The following IGF1R variants were observed in gnomAD, a reference collection of about 807,000 sequenced individuals.
The protein encoded by IGF1R is insulin like growth factor 1 receptor.
In IGF1R, 44 loss-of-function variants were observed where a neutral mutation model predicts 144.6. The ratio of observed to expected loss-of-function variants is 0.30; its 90% CI spans 0.24 to 0.39. The LOEUF is 0.39. Ranked by LOEUF, IGF1R falls within the 10% of genes least tolerant of loss-of-function variation. The pLI, the probability that IGF1R is intolerant of heterozygous loss-of-function variation, is 1.00. For missense variants in IGF1R, 1,355 were observed against 1,833.7 expected (o/e 0.74, Z 4.77); for synonymous variants, 795 against 722.8 (o/e 1.10, Z -1.60).
chr15:98,781,864 TAA>T, intron 2 of IGF1R, among the ~76,000 whole-genome samples: 1 of 152,206 alleles, frequency 6.6e-6, no homozygotes, highest in East Asian at 1.9e-4. Context: ...TTAAGAGTCT[TAA>T]GGTTCAAGAC....
intron 2 of IGF1R, among the ~76,000 whole-genome samples, chr15:98,859,600 G>GT (rs2012033092): frequency 6.6e-6 from 1 of 152,132 alleles, no homozygotes; most frequent in Admixed American, 6.5e-5. Flanking sequence ...CTGTATCTGG[G>GT]TTTTCTGATT....
chr15:98,790,444 C>T (rs1195544071), intron 2 of IGF1R, among the ~76,000 whole-genome samples: 1 of 152,164 alleles, frequency 6.6e-6, no homozygotes, highest in Non-Finnish European at 1.5e-5. Flanking sequence ...TCTGGGGAAG[C>T]TTATCTCAAA....
At chr15:98,870,775 A>G (rs570305088) in intron 2 of IGF1R, among the ~76,000 whole-genome samples, 1 of 152,316 alleles carries the variant, frequency 6.6e-6, no homozygotes, top group South Asian at 2.1e-4. Flanking sequence ...AACTTCCTTG[A>G]TACAGGGTCA....
At chr15:98,919,037 A>G (rs2015374577) in intron 10 of IGF1R, among the ~76,000 whole-genome samples, 1 of 152,190 alleles carries the variant, frequency 6.6e-6, no homozygotes, top group South Asian at 2.1e-4. Flanking sequence ...CTTATCCAGG[A>G]TATCTTTGTA....
intron 2 of IGF1R, among the ~76,000 whole-genome samples, chr15:98,822,759 A>G (rs2056825389): frequency 6.6e-6 from 1 of 152,260 alleles, no homozygotes; most frequent in Admixed American, 6.5e-5. Context: ...TATTTTCTGA[A>G]TCAGAAAGCA....
intron 7 of IGF1R, 40 bp downstream of exon 7, chr15:98,911,481 G>A: frequency 6.2e-7 from 1 of 1,613,534 alleles, no homozygotes. Context: ...TGTTGACAGG[G>A]CTACGAATGG....
intron 2 of IGF1R, among the ~76,000 whole-genome samples, chr15:98,722,557 A>G (rs2054270007): frequency 6.6e-6 from 1 of 152,192 alleles, no homozygotes; most frequent in Non-Finnish European, 1.5e-5. Flanking sequence ...ATGTGCCCTC[A>G]AGCCGGTTTG....
At chr15:98,894,383 G>A (rs914118728) in intron 3 of IGF1R, among the ~76,000 whole-genome samples, 1 of 152,196 alleles carries the variant, frequency 6.6e-6, no homozygotes, top group African/African-American at 2.4e-5. Flanking sequence ...GTCCATAGCA[G>A]CTTTATTTGT....
At chr15:98,924,753 C>T (rs2015639971) in intron 13 of IGF1R, 69 bp downstream of exon 13, 18 of 1,368,258 alleles carry the variant, frequency 1.3e-5, no homozygotes, top group East Asian at 2.3e-5. Context: ...CAGGACAGCC[C>T]GAGTGTTCAT....
At chr15:98,670,320 T>C (rs1048887017) in intron 1 of IGF1R, among the ~76,000 whole-genome samples, 2 of 152,002 alleles carry the variant, frequency 1.3e-5, no homozygotes, top group Admixed American at 6.6e-5. Flanking sequence ...ATCAGAAGGA[T>C]TATACTAGAC....
intron 2 of IGF1R, among the ~76,000 whole-genome samples, chr15:98,766,934 C>T (rs993685713): frequency 6.6e-6 from 1 of 152,194 alleles, no homozygotes; most frequent in Admixed American, 6.5e-5. Flanking sequence ...GCTCATCCAG[C>T]CAGCCACATT....
At chr15:98,733,281 C>T (rs934210025) in intron 2 of IGF1R, among the ~76,000 whole-genome samples, 1 of 152,050 alleles carries the variant, frequency 6.6e-6, no homozygotes, top group Non-Finnish European at 1.5e-5. Context: ...TAGAGGCAAT[C>T]ATGGCTTATT....
chr15:98,743,404 T>G (rs1428294163), intron 2 of IGF1R, among the ~76,000 whole-genome samples: 4 of 152,196 alleles, frequency 2.6e-5, no homozygotes, highest in Non-Finnish European at 4.4e-5. Flanking sequence ...AAATGCCCAC[T>G]AGGCACCCTG....
At chr15:98,705,725 C>A (rs1567085782) in intron 1 of IGF1R, among the ~76,000 whole-genome samples, 3 of 152,142 alleles carry the variant, frequency 2.0e-5, no homozygotes, top group African/African-American at 4.8e-5. Flanking sequence ...TTCTCTCCCT[C>A]GTCTGTTCAC....
rs375554267 is a variant in IGF1R, at chr15:98,960,297, T to TTTG, written c.*2858_*2860dup. 4.3e-6 allele frequency: 1 copy of TTTG among 231,318 alleles called. No homozygotes were observed. Among genetic ancestry groups the TTTG allele is most frequent in the African/African-American group, 2.2e-5 (1 of 44,928 alleles). The allele number at this position is 231,318 out of a possible 1,614,324, so 14.3% of individuals were successfully genotyped here. A position where few individuals can be genotyped will look rare whatever the true frequency, so the allele number is the denominator to read the frequency against. Reference sequence around the variant, plus strand: ...AGATGTCCTGTTTTGTGTTGCTTTTTTTGTTTTGTTTTCTATCTTGGTTTC... The same window carrying TTTG: ...AGATGTCCTGTTTTGTGTTGCTTTTTTTGTTGTTTTGTTTTCTATCTTGGTTTC... On this transcript the variant is annotated 3_prime_UTR_variant, in exon 21 of 21. Coordinates refer to ENST00000650285, the MANE Select transcript of IGF1R (RefSeq NM_000875.5).
In IGF1R at chr15:98,924,703, G is replaced by A. The variant is rs971347483; in HGVS notation, c.2782+19G>A. On this transcript the variant is annotated intron_variant, in intron 13 of 20. Transcript: ENST00000650285. ...GCCAAAAGTAAGGCTTGTGGAGGGAGAAGAAACGTGGTAAAACTGAAAGCA... is the reference window on the plus strand; with the variant it reads ...GCCAAAAGTAAGGCTTGTGGAGGGAAAAGAAACGTGGTAAAACTGAAAGCA... The A allele has an allele frequency of 6.2e-7, 1 of 1,605,918 alleles. No individual in the cohort carries two copies.
At chr15:98,782,461 T>A (rs2055882235) in intron 2 of IGF1R, among the ~76,000 whole-genome samples, 1 of 152,234 alleles carries the variant, frequency 6.6e-6, no homozygotes, top group Non-Finnish European at 1.5e-5. Context: ...TTATTTATAT[T>A]ATATATGCAT....
chr15:98,780,566 AAAAAAAAAAGAGAGAG>A (rs2055835570), intron 2 of IGF1R, among the ~76,000 whole-genome samples: 1 of 30,340 alleles, frequency 3.3e-5, no homozygotes, highest in South Asian at 1.8e-3. Flanking sequence ...AAAAAAAAAA[AAAAAAAAAAGAGAGAG>A]AGAGTAAATA....
chr15:98,802,119 G>A (rs891896357), intron 2 of IGF1R, among the ~76,000 whole-genome samples: 1 of 152,112 alleles, frequency 6.6e-6, no homozygotes, highest in Non-Finnish European at 1.5e-5. Flanking sequence ...GGTAGTACAA[G>A]CTGGGTTTGT....
Sources: allele counts gnomAD v4.1 joint callset (sites outside exome capture counted in the v4.1 genomes callset), GRCh38; gene constraint gnomAD v4.1.1; transcripts MANE v1.5; gene names NCBI Gene and HGNC (gene_info 2026-07-23, HGNC 2026-07-21).